Variants in SMAD9 observed in about 807,000 individuals in gnomAD.
SMAD9 encodes MAD homolog 9.
SMAD9 carries 36 observed loss-of-function variants against 46.1 expected under a neutral mutation model. The observed-to-expected ratio is 0.78, with a 90% CI of 0.60 to 1.03. SMAD9 has a LOEUF of 1.03. Ranked by LOEUF, SMAD9 falls within the 50% of genes least tolerant of loss-of-function variation. The probability of loss-of-function intolerance (pLI) is 0.00; values close to 1 mark genes in which losing one functional copy is unlikely to be tolerated. For missense variants in SMAD9, 572 were observed against 599.8 expected (o/e 0.95, Z 0.48); for synonymous variants, 245 against 237.1 (o/e 1.03, Z -0.31).
At chr13:36,855,216 C>T (rs1274344251) in intron 5 of SMAD9, among the ~76,000 whole-genome samples, 1 of 139,148 alleles carries the variant, frequency 7.2e-6, no homozygotes, top group African/African-American at 2.7e-5. Context: ...GCCACTACTG[C>T]ACTCCAGACT....
Position 36,846,335 on chromosome 13 carries a change from G to C in SMAD9, c.*2341C>G, listed in dbSNP as rs1473985283. ...GTCTCTACTAAAAATATAAAAATTA[G>C]CTGGGCGTGGTAGCCTGTAGTCCCA... On this transcript the variant is annotated 3_prime_UTR_variant, in exon 7 of 7. Transcript: ENST00000379826. 1.3e-5 allele frequency: 2 copies of C among 151,628 alleles called. No individual in the cohort carries two copies. The highest frequency in any genetic ancestry group is 2.9e-5 in the Non-Finnish European group (2 of 67,960). 9.4% of individuals were successfully genotyped at this position (151,628 alleles called of 1,614,324 possible). A position where few individuals can be genotyped will look rare whatever the true frequency, so the allele number is the denominator to read the frequency against.
intron 5 of SMAD9, among the ~76,000 whole-genome samples, chr13:36,863,983 TC>T (rs1192613378): frequency 2.6e-5 from 4 of 152,272 alleles, no homozygotes; most frequent in Admixed American, 2.6e-4. Flanking sequence ...CATTCAGCAC[TC>T]CTTTAATACT....
chr13:36,918,303 A>ATGT (rs2058714233), intron 1 of SMAD9, among the ~76,000 whole-genome samples: 1 of 152,196 alleles, frequency 6.6e-6, no homozygotes, highest in Non-Finnish European at 1.5e-5. Context: ...CTGCACTGAT[A>ATGT]AACATGAGTT....
intron 3 of SMAD9, among the ~76,000 whole-genome samples, chr13:36,868,373 T>C (rs941792098): frequency 3.3e-5 from 5 of 152,366 alleles, no homozygotes; most frequent in African/African-American, 7.2e-5. Flanking sequence ...ATGACTCCTA[T>C]GACTTTGGTG....
At chr13:36,853,808 T>A in intron 5 of SMAD9, 133 bp from the exon 6 acceptor site, 1 of 869,904 alleles carries the variant, frequency 1.1e-6, no homozygotes, top group South Asian at 1.4e-5. Flanking sequence ...ATGAGATGTG[T>A]GACCTAAATG....
chr13:36,871,883 T>C (rs2058298716), intron 3 of SMAD9, among the ~76,000 whole-genome samples: 4 of 152,290 alleles, frequency 2.6e-5, no homozygotes, highest in Middle Eastern at 6.8e-3. Context: ...ATTAAATAAA[T>C]GATTATAGGA....
intron 1 of SMAD9, 137 bp downstream of exon 1, chr13:36,919,979 A>C (rs1294106585): frequency 1.3e-5 from 2 of 150,760 alleles, no homozygotes; most frequent in Non-Finnish European, 3.0e-5. Flanking sequence ...CACGCACACA[A>C]GCAGCGCGCG....
intron 1 of SMAD9, among the ~76,000 whole-genome samples, chr13:36,913,124 C>T (rs1014999385): frequency 2.0e-5 from 3 of 151,734 alleles, no homozygotes; most frequent in Non-Finnish European, 4.4e-5. Context: ...CAATATTTTT[C>T]ATTTGTGGTT....
At chr13:36,855,043 G>A (rs1225825516) in intron 5 of SMAD9, among the ~76,000 whole-genome samples, 2 of 151,996 alleles carry the variant, frequency 1.3e-5, no homozygotes, top group Non-Finnish European at 2.9e-5. Context: ...ACTTTAGGAG[G>A]TCAAGGTAGG....
chr13:36,881,405 G>A (rs1430329216), intron 1 of SMAD9, among the ~76,000 whole-genome samples: 2 of 152,168 alleles, frequency 1.3e-5, no homozygotes, highest in Admixed American at 1.3e-4. Flanking sequence ...TTGCTTCCCT[G>A]GAGGGCAAGC....
chr13:36,901,142 A>G (rs74519204), intron 1 of SMAD9, among the ~76,000 whole-genome samples: 3,021 of 152,322 alleles, frequency 0.02, 98 homozygotes, highest in African/African-American at 0.069. Flanking sequence ...ACATTTGTGC[A>G]AAAGTATCTG....
chr13:36,863,523 T>C (rs143952976), intron 5 of SMAD9, among the ~76,000 whole-genome samples: 2 of 152,254 alleles, frequency 1.3e-5, no homozygotes, highest in Non-Finnish European at 2.9e-5. Context: ...AATTGGGATA[T>C]TTGACTCCTC....
chr13:36,887,962 G>A (rs948995476), intron 1 of SMAD9, among the ~76,000 whole-genome samples: 1 of 152,124 alleles, frequency 6.6e-6, no homozygotes. Context: ...GGGAAGCAGA[G>A]GTGTGTTCTG....
chr13:36,913,341 A>G (rs539146589), intron 1 of SMAD9, among the ~76,000 whole-genome samples: 3 of 152,182 alleles, frequency 2.0e-5, no homozygotes, highest in Admixed American at 6.5e-5. Context: ...TTCGTTGTGT[A>G]GTCCCCAGGG....
intron 1 of SMAD9, among the ~76,000 whole-genome samples, chr13:36,915,614 T>C (rs1449834146): frequency 6.6e-6 from 1 of 152,188 alleles, no homozygotes; most frequent in Non-Finnish European, 1.5e-5. Context: ...ATTGTCATTA[T>C]AGGAAAAAAT....
chr13:36,907,933 C>T (rs181275422), intron 1 of SMAD9, among the ~76,000 whole-genome samples: 187 of 152,258 alleles, frequency 1.2e-3, no homozygotes, highest in Non-Finnish European at 2.3e-3. Context: ...GCTGGGAAAT[C>T]TTCACACTCG....
intron 2 of SMAD9, among the ~76,000 whole-genome samples, chr13:36,876,702 G>C (rs376792600): frequency 3.3e-5 from 5 of 152,246 alleles, no homozygotes; most frequent in South Asian, 2.1e-4. Flanking sequence ...GTGGATGTGT[G>C]AATGAAAAGA....
intron 2 of SMAD9, among the ~76,000 whole-genome samples, chr13:36,877,209 A>G (rs2058353330): frequency 6.6e-6 from 1 of 152,126 alleles, no homozygotes; most frequent in East Asian, 1.9e-4. Flanking sequence ...TAAAAATACA[A>G]AAAGTAGCTG....
chr13:36,881,869 G>A lies in SMAD9; in HGVS notation c.-186-1994C>T, dbSNP rs550098051. ...ATAGAATAACCTGAACCCCAAAAGA[G>A]TTGTGAATTCTGCTTAGTTTTACAT... is the stretch of plus-strand genomic sequence containing the variant. On this transcript the variant is annotated intron_variant, in intron 1 of 6. Coordinates refer to ENST00000379826, the MANE Select transcript of SMAD9 (RefSeq NM_001127217.3). Among the ~76,000 whole-genome samples the A allele has an allele frequency of 2.0e-5, 3 of 152,302 alleles. No individual in the cohort carries two copies. In the East Asian group the frequency reaches 5.8e-4, roughly 29 times the overall value.
Sources: gnomAD v4.1 joint callset for allele counts (sites outside exome capture counted in the v4.1 genomes callset) on GRCh38, gnomAD v4.1.1 for gene constraint, MANE v1.5 for transcripts, NCBI Gene and HGNC (gene_info 2026-07-23, HGNC 2026-07-21) for gene names.